Variants in SLX4IP observed in about 807,000 individuals in gnomAD.
SLX4IP encodes the protein protein SLX4IP.
A neutral mutation model predicts 32.9 loss-of-function variants in SLX4IP; 34 were observed. The ratio of observed to expected loss-of-function variants is 1.03; its 90% confidence interval spans 0.79 to 1.38. The LOEUF is 1.38. SLX4IP is among the 40% of genes most tolerant of loss of function. The pLI is 0.00. For synonymous variants in SLX4IP, 172 were observed against 171.7 expected (o/e 1.00, Z -0.01); for missense variants, 444 against 479.0 (o/e 0.93, Z 0.68).
At chr20:10,543,491 A>G (rs2066130898) in intron 2 of SLX4IP, among the ~76,000 whole-genome samples, 1 of 152,186 alleles carries the variant, frequency 6.6e-6, no homozygotes, top group African/African-American at 2.4e-5. Context: ...GACTGATGAA[A>G]GTGCAGATGG....
chr20:10,469,854 C>T (rs6077810), intron 2 of SLX4IP, among the ~76,000 whole-genome samples: 74,911 of 152,072 alleles, frequency 0.49, 19,943 homozygotes, highest in Non-Finnish European at 0.6. Flanking sequence ...TGCACACTTG[C>T]ATCCCTAGCC....
At chr20:10,512,419 T>C (rs2122431996) in intron 2 of SLX4IP, among the ~76,000 whole-genome samples, 1 of 150,836 alleles carries the variant, frequency 6.6e-6, no homozygotes, top group East Asian at 1.9e-4. Context: ...CTTTAAGTAT[T>C]TTTTTTTAAA....
chr20:10,599,651 C>T (rs1297451396), intron 5 of SLX4IP, among the ~76,000 whole-genome samples: 1 of 151,896 alleles, frequency 6.6e-6, no homozygotes, highest in East Asian at 1.9e-4. Flanking sequence ...CCCGCCTTGG[C>T]CTCCTAAGGT....
At chr20:10,445,932 GC>G (rs1568684271) in intron 1 of SLX4IP, among the ~76,000 whole-genome samples, 8 of 126,254 alleles carry the variant, frequency 6.3e-5, no homozygotes, top group Non-Finnish European at 4.8e-5. Flanking sequence ...GGCTGAGATT[GC>G]TTTTTTTTTT....
intron 2 of SLX4IP, among the ~76,000 whole-genome samples, chr20:10,489,558 TTCTG>T (rs1384151086): frequency 6.6e-6 from 1 of 152,220 alleles, no homozygotes; most frequent in African/African-American, 2.4e-5. Flanking sequence ...CCATTTGCCC[TTCTG>T]TCTAAGGCTC....
rs80271909 is a variant in SLX4IP at position 10,444,234 on chromosome 20, T to C, written c.-30+8781T>C. On this transcript the variant is annotated intron_variant, in intron 1 of 7. Transcript: ENST00000334534. ...GGGTCTGGAGCTGCTGGCATCACCA[T>C]GTGTTTTAGTCTGCCTGTGCTGCCA... Among the ~76,000 whole-genome samples, 1,336 of 152,304 alleles carry C rather than the reference T, an allele frequency of 8.8e-3. 25 individuals are homozygous for C. Among genetic ancestry groups the C allele is most frequent in the African/African-American group, 0.031 (1,283 of 41,562 alleles).
intron 1 of SLX4IP, among the ~76,000 whole-genome samples, chr20:10,456,725 G>A (rs1468753314): frequency 2.0e-5 from 3 of 152,108 alleles, no homozygotes; most frequent in African/African-American, 4.8e-5. Flanking sequence ...CAGATCTCTT[G>A]CATTTTCATA....
At chr20:10,610,119 C>T (rs2066949233) in intron 6 of SLX4IP, among the ~76,000 whole-genome samples, 1 of 152,104 alleles carries the variant, frequency 6.6e-6, no homozygotes, top group South Asian at 2.1e-4. Context: ...TAAGGTTGGT[C>T]AGGATATATT....
intron 2 of SLX4IP, among the ~76,000 whole-genome samples, chr20:10,538,320 C>G (rs987615420): frequency 9.9e-5 from 15 of 152,052 alleles, no homozygotes; most frequent in Admixed American, 7.9e-4. Context: ...GCACTAATGA[C>G]ATTATAGACC....
chr20:10,559,348 G>A lies in SLX4IP; in HGVS notation c.118-1352G>A, dbSNP rs534088628. 3.9e-5 allele frequency among the ~76,000 whole-genome samples: 6 copies of A among 152,306 alleles called. No individual in the cohort carries two copies. The South Asian group carries it at 1.0e-3, about 26-fold the overall frequency. Reference sequence around the variant, plus strand: ...TTTCTATATTGTTTGAGGAGTACAAGTGTTTTTAATAAAGGAAAAGTTTTG... The same window carrying A: ...TTTCTATATTGTTTGAGGAGTACAAATGTTTTTAATAAAGGAAAAGTTTTG... On this transcript the variant is annotated intron_variant, in intron 3 of 7. Transcript: ENST00000334534.
chr20:10,456,227 A>G (rs1030925730), intron 1 of SLX4IP, among the ~76,000 whole-genome samples: 4 of 152,208 alleles, frequency 2.6e-5, no homozygotes, highest in African/African-American at 9.7e-5. Context: ...AAATCTGAAA[A>G]AATCCTACAT....
intron 1 of SLX4IP, among the ~76,000 whole-genome samples, chr20:10,440,034 A>G (rs1003477084): frequency 6.6e-6 from 1 of 152,212 alleles, no homozygotes; most frequent in Non-Finnish European, 1.5e-5. Context: ...TTTGACTCAT[A>G]TTAATTATGG....
chr20:10,466,453 C>A (rs6133943), intron 2 of SLX4IP, among the ~76,000 whole-genome samples: 4 of 152,180 alleles, frequency 2.6e-5, no homozygotes, highest in African/African-American at 7.2e-5. Context: ...CCCTTCCCCC[C>A]CAACCTACTT....
intron 2 of SLX4IP, among the ~76,000 whole-genome samples, chr20:10,513,991 A>G (rs569312450): frequency 6.6e-6 from 1 of 152,338 alleles, no homozygotes; most frequent in East Asian, 1.9e-4. Context: ...AACCTATGCC[A>G]AAAGGAAATC....
At chr20:10,616,389 A>T (rs200123147) in intron 6 of SLX4IP, among the ~76,000 whole-genome samples, 3 of 85,106 alleles carry the variant, frequency 3.5e-5, no homozygotes, top group Non-Finnish European at 6.9e-5. Context: ...AAAAAAAAAA[A>T]TGAAATAAAT....
intron 2 of SLX4IP, among the ~76,000 whole-genome samples, chr20:10,512,152 T>C (rs983512851): frequency 6.6e-6 from 1 of 152,170 alleles, no homozygotes; most frequent in African/African-American, 2.4e-5. Flanking sequence ...AAAGCAGACA[T>C]AGGCAATATG....
intron 1 of SLX4IP, among the ~76,000 whole-genome samples, chr20:10,455,934 A>G (rs6108584): frequency 0.49 from 74,892 of 151,834 alleles, 19,946 homozygotes; most frequent in Non-Finnish European, 0.6. Flanking sequence ...TTATGCTAGT[A>G]TAGGTTGAGC....
intron 6 of SLX4IP, among the ~76,000 whole-genome samples, chr20:10,621,044 C>A (rs1270847399): frequency 1.3e-5 from 2 of 152,094 alleles, no homozygotes; most frequent in African/African-American, 4.8e-5. Flanking sequence ...GCCAAGAGTT[C>A]CCAGATGGTT....
intron 2 of SLX4IP, among the ~76,000 whole-genome samples, chr20:10,517,016 T>G (rs1014301626): frequency 6.6e-6 from 1 of 152,272 alleles, no homozygotes; most frequent in Non-Finnish European, 1.5e-5. Context: ...TAAAACCTGC[T>G]GGACTAATGT....
Sources: allele counts gnomAD v4.1 joint callset (sites outside exome capture counted in the v4.1 genomes callset), GRCh38; gene constraint gnomAD v4.1.1; transcripts MANE v1.5; gene names NCBI Gene and HGNC (gene_info 2026-07-23, HGNC 2026-07-21).